Variants in DTWD1 observed in about 807,000 individuals in gnomAD.
DTWD1 encodes DTW motif tRNA-uridine aminocarboxypropyltransferase 1, also known as tRNA-uridine aminocarboxypropyltransferase 1.
A neutral mutation model predicts 30.2 loss-of-function variants in DTWD1; 27 were observed. That is an observed-to-expected ratio of 0.90 (90% CI 0.66 to 1.23). The LOEUF (loss-of-function observed/expected upper bound fraction) is 1.23, where lower values mean the gene tolerates loss of function less well. Ranked by LOEUF, DTWD1 falls within the 50% of genes most tolerant of loss-of-function variation. The pLI, the probability that DTWD1 is intolerant of heterozygous loss-of-function variation, is 0.00. For synonymous variants in DTWD1, 99 were observed against 113.1 expected (o/e 0.88, Z 0.79); for missense variants, 342 against 348.8 (o/e 0.98, Z 0.15).
rs745873020 is a variant in DTWD1, at chr15:49,632,284, T to C, written c.390T>C (p.Tyr130=). The change falls in exon 3 of 5, where the codon TAT becomes TAC. Residue 130 remains tyrosine, a synonymous_variant. Transcript: ENST00000403028. ...ACACGTATCCGTGTATTCCAGAATA[T>C]GAAGAAAAGGACCATGAAGTAGGCA... ...NIYTYPCIPE[Y]EEKDHEVALI... The C allele has an allele frequency of 3.8e-6, 6 of 1,582,370 alleles. No homozygotes were observed. The highest frequency in any genetic ancestry group is 5.1e-6 in the Non-Finnish European group (6 of 1,172,698).
At position 49,651,340 on chromosome 15, in the gene DTWD1, A is replaced by T. The variant is rs1946108837; in HGVS notation, c.*7762A>T. On this transcript the variant is annotated 3_prime_UTR_variant, in exon 5 of 5. Coordinates refer to ENST00000403028, the MANE Select transcript of DTWD1 (RefSeq NM_001144955.2). ...TTACGTGCAGTGCCCACCAGAGAGC[A>T]TTCAGTACTGAAGAGTCTCTAAACA... 1 of 152,168 alleles carries T rather than the reference A, an allele frequency of 6.6e-6. No homozygotes were observed. Among genetic ancestry groups the T allele is most frequent in the South Asian group, 2.1e-4 (1 of 4,832 alleles). The allele number at this position is 152,168 out of a possible 1,614,324, so 9.4% of individuals were successfully genotyped here.
intron 4 of DTWD1, among the ~76,000 whole-genome samples, chr15:49,637,175 T>G (rs1324396425): frequency 6.6e-6 from 1 of 152,150 alleles, no homozygotes; most frequent in Non-Finnish European, 1.5e-5. Context: ...CTTTTTGAGA[T>G]CATTATGATC....
At chr15:49,633,364 G>A (rs183547976) in intron 3 of DTWD1, among the ~76,000 whole-genome samples, 9 of 152,054 alleles carry the variant, frequency 5.9e-5, no homozygotes, top group Middle Eastern at 3.4e-3. Flanking sequence ...TTTAAGAGTC[G>A]TGCTCTGTTG....
intron 2 of DTWD1, chr15:49,626,630 TA>T (rs1215425655): frequency 0.02 from 5,390 of 276,040 alleles, no homozygotes; most frequent in South Asian, 0.037. Flanking sequence ...AACTTGCCAG[TA>T]AAAAAAAAAT....
rs2079093995 is a variant in DTWD1 at position 49,643,685 on chromosome 15, T to G, written c.*107T>G. On this transcript the variant is annotated 3_prime_UTR_variant, in exon 5 of 5. Coordinates refer to ENST00000403028, the MANE Select transcript of DTWD1 (RefSeq NM_001144955.2). ...ATCATATATAATGCCTGTAAGACCA[T>G]TTGAAAAAATTCCAGTTTCATATAT... The G allele has an allele frequency of 8.3e-7, 1 of 1,199,818 alleles. No individual in the cohort carries two copies. Among genetic ancestry groups the G allele is most frequent in the Non-Finnish European group, 1.1e-6 (1 of 905,380 alleles). 74.3% of individuals were successfully genotyped at this position (1,199,818 alleles called of 1,614,324 possible). A position where few individuals can be genotyped will look rare whatever the true frequency, so the allele number is the denominator to read the frequency against.
intron 2 of DTWD1, among the ~76,000 whole-genome samples, chr15:49,627,646 T>A (rs984724017): frequency 9.8e-5 from 15 of 152,336 alleles, no homozygotes; most frequent in Non-Finnish European, 1.5e-5. Flanking sequence ...CATGTTATTG[T>A]ACTGCATACT....
rs2079115835 is a variant in DTWD1, at chr15:49,645,984, A to T, written c.*2406A>T. The T allele has an allele frequency of 6.6e-6, 1 of 151,866 alleles. No individual in the cohort carries two copies. Among genetic ancestry groups the T allele is most frequent in the African/African-American group, 2.4e-5 (1 of 41,334 alleles). 9.4% of individuals were successfully genotyped at this position (151,866 alleles called of 1,614,324 possible). A position where few individuals can be genotyped will look rare whatever the true frequency, so the allele number is the denominator to read the frequency against. On this transcript the variant is annotated 3_prime_UTR_variant, in exon 5 of 5. Transcript: ENST00000403028. ...CAGGTTCCTTTGAAGTACTCCCCCC[A>T]CTGTGATTCTGGGTCATCTGCATTC...
At chr15:49,623,096 G>T (rs951237100) in intron 1 of DTWD1, among the ~76,000 whole-genome samples, 11 of 152,168 alleles carry the variant, frequency 7.2e-5, no homozygotes, top group Non-Finnish European at 1.6e-4. Flanking sequence ...TAACTTTCAT[G>T]ACATCCACAG....
intron 2 of DTWD1, among the ~76,000 whole-genome samples, chr15:49,628,719 A>G (rs2078878158): frequency 6.6e-6 from 1 of 152,102 alleles, no homozygotes; most frequent in African/African-American, 2.4e-5. Flanking sequence ...TTGAAAACAG[A>G]ATGTCTCTAC....
At chr15:49,626,609 G>T in intron 2 of DTWD1, 1 of 281,734 alleles carries the variant, frequency 3.5e-6, no homozygotes, top group Non-Finnish European at 7.5e-6. Flanking sequence ...TTCTACACAT[G>T]GACTCATTAG....
In DTWD1 at chr15:49,652,464, A is replaced by C. The variant is rs778119420; in HGVS notation, c.*8886A>C. ...TGTGGCAACCCATCCTCAAAAGGGC[A>C]TGATGGCCTGGAACTCAGGCCTCTC... On this transcript the variant is annotated 3_prime_UTR_variant, in exon 5 of 5. Coordinates refer to ENST00000403028, the MANE Select transcript of DTWD1 (RefSeq NM_001144955.2). 4 of 152,160 alleles carry C rather than the reference A, an allele frequency of 2.6e-5. No individual in the cohort carries two copies. The highest frequency in any genetic ancestry group is 5.9e-5 in the Non-Finnish European group (4 of 68,038). The allele number at this position is 152,160 out of a possible 1,614,324, so 9.4% of individuals were successfully genotyped here.
Position 49,650,151 on chromosome 15 carries a change from T to C in DTWD1, c.*6573T>C, listed in dbSNP as rs561455133. 1 of 152,172 alleles carries C rather than the reference T, an allele frequency of 6.6e-6. No individual in the cohort carries two copies. Among genetic ancestry groups the C allele is most frequent in the East Asian group, 1.9e-4 (1 of 5,154 alleles). The allele number at this position is 152,172 out of a possible 1,614,324, so 9.4% of individuals were successfully genotyped here. A position where few individuals can be genotyped will look rare whatever the true frequency, so the allele number is the denominator to read the frequency against. On this transcript the variant is annotated 3_prime_UTR_variant, in exon 5 of 5. Transcript: ENST00000403028. ...CATGTTTGAGGAATAACAAGGACAC[T>C]AGTTTGGAACAGTGTGTGGGAGGGA...
intron 1 of DTWD1, among the ~76,000 whole-genome samples, chr15:49,622,857 A>G (rs546317335): frequency 2.0e-5 from 3 of 152,322 alleles, no homozygotes; most frequent in East Asian, 1.9e-4. Flanking sequence ...AGGTGGAGCC[A>G]TAAACATTTC....
rs892330463 is a variant in DTWD1, at chr15:49,649,361, G to A, written c.*5783G>A. The A allele has an allele frequency of 6.6e-6, 1 of 152,112 alleles. No homozygotes were observed. The highest frequency in any genetic ancestry group is 2.4e-5 in the African/African-American group (1 of 41,424). The allele number at this position is 152,112 out of a possible 1,614,324, so 9.4% of individuals were successfully genotyped here. ...AAGGTATTACCTCCCATATATTCTT[G>A]AGATAAAGATGCTTAGGAGAATACT... On this transcript the variant is annotated 3_prime_UTR_variant, in exon 5 of 5. Transcript: ENST00000403028.
In DTWD1 at chr15:49,645,311, A is replaced by G. The variant is rs1287179825; in HGVS notation, c.*1733A>G. On this transcript the variant is annotated 3_prime_UTR_variant, in exon 5 of 5. Coordinates refer to ENST00000403028, the MANE Select transcript of DTWD1 (RefSeq NM_001144955.2). The stretch of plus-strand genomic sequence containing the variant: ...AGATCATACACCTAGTTAGTAGCAG[A>G]GCCTGTTCTAGAATCTGGAACTTCT... The G allele has an allele frequency of 1.3e-5, 2 of 152,154 alleles. No individual in the cohort carries two copies. The highest frequency in any genetic ancestry group is 2.9e-5 in the Non-Finnish European group (2 of 68,034). The allele number at this position is 152,154 out of a possible 1,614,324, so 9.4% of individuals were successfully genotyped here.
Position 49,648,250 on chromosome 15 carries a change from T to G in DTWD1, c.*4672T>G, listed in dbSNP as rs2079132584. 1 of 152,136 alleles carries G rather than the reference T, an allele frequency of 6.6e-6. No individual in the cohort carries two copies. Among genetic ancestry groups the G allele is most frequent in the Admixed American group, 6.6e-5 (1 of 15,264 alleles). The allele number at this position is 152,136 out of a possible 1,614,324, so 9.4% of individuals were successfully genotyped here. A position where few individuals can be genotyped will look rare whatever the true frequency, so the allele number is the denominator to read the frequency against. ...TACACTGCATATCATCATCATGACA[T>G]TGAGTTTCTAGCTGGATTGCAGAGA... On this transcript the variant is annotated 3_prime_UTR_variant, in exon 5 of 5. Transcript: ENST00000403028.
rs1019425272 is a variant in DTWD1 at position 49,642,106 on chromosome 15, C to A, written c.668-1225C>A. Among the ~76,000 whole-genome samples the A allele has an allele frequency of 9.2e-5, 14 of 152,074 alleles. 1 individual carries two copies. In the South Asian group the frequency reaches 2.5e-3, roughly 27 times the overall value. On this transcript the variant is annotated intron_variant, in intron 4 of 4. Coordinates refer to ENST00000403028, the MANE Select transcript of DTWD1 (RefSeq NM_001144955.2). ...CATATCTCTGAATATTTTTGTATTT[C>A]TTTTATTATTTATTTCTTGTCTCTG...
intron 4 of DTWD1, among the ~76,000 whole-genome samples, chr15:49,635,223 C>T (rs531566419): frequency 7.9e-5 from 12 of 152,012 alleles, no homozygotes; most frequent in South Asian, 6.2e-4. Flanking sequence ...TTAGTAGAGA[C>T]GGGGATTCAT....
intron 2 of DTWD1, among the ~76,000 whole-genome samples, chr15:49,628,503 A>G (rs1244905097): frequency 6.6e-6 from 1 of 152,050 alleles, no homozygotes; most frequent in African/African-American, 2.4e-5. Context: ...CTGTGGTGCA[A>G]TGTTACAATG....
Sources: allele counts gnomAD v4.1 joint callset (sites outside exome capture counted in the v4.1 genomes callset), GRCh38; gene constraint gnomAD v4.1.1; transcripts MANE v1.5; gene names NCBI Gene and HGNC (gene_info 2026-07-23, HGNC 2026-07-21).